ARHGAP15: variants seen among roughly 807,000 people sequenced by gnomAD.
The protein encoded by ARHGAP15 is Rho GTPase activating protein 15, also known as rho GTPase-activating protein 15.
ARHGAP15 carries 51 observed loss-of-function variants against 63.7 expected under a neutral mutation model. The observed-to-expected ratio is 0.80, with a 90% CI of 0.64 to 1.01. ARHGAP15 has a LOEUF of 1.01. Among genes scored for constraint, ARHGAP15 ranks in the 50% least tolerant of loss-of-function variants. ARHGAP15 has a pLI of 0.00. For missense variants in ARHGAP15, 560 were observed against 564.6 expected (o/e 0.99, Z 0.08); for synonymous variants, 191 against 193.8 (o/e 0.99, Z 0.12).
intron 10 of ARHGAP15, among the ~76,000 whole-genome samples, chr2:143,540,785 C>A (rs1235901899): frequency 6.6e-6 from 1 of 152,132 alleles, no homozygotes; most frequent in South Asian, 2.1e-4. Context: ...GTTAACCTGA[C>A]CTTTCTCTCT....
At chr2:143,373,796 T>C (rs1686684362) in intron 6 of ARHGAP15, among the ~76,000 whole-genome samples, 2 of 152,096 alleles carry the variant, frequency 1.3e-5, no homozygotes, top group South Asian at 2.1e-4. Flanking sequence ...ATATAGTACC[T>C]AGGGTGGGAT....
chr2:143,377,079 T>C (rs1686846820), intron 6 of ARHGAP15, among the ~76,000 whole-genome samples: 1 of 152,116 alleles, frequency 6.6e-6, no homozygotes, highest in Admixed American at 6.6e-5. Context: ...AAATGGCATA[T>C]ATGGACTGCT....
intron 1 of ARHGAP15, among the ~76,000 whole-genome samples, chr2:143,149,214 G>A (rs1381108974): frequency 6.6e-6 from 1 of 152,042 alleles, no homozygotes; most frequent in Non-Finnish European, 1.5e-5. Context: ...ACCAGAGAAA[G>A]TTTGTGCATG....
chr2:143,271,107 G>A (rs765482173), intron 6 of ARHGAP15, among the ~76,000 whole-genome samples: 1 of 151,902 alleles, frequency 6.6e-6, no homozygotes, highest in Non-Finnish European at 1.5e-5. Context: ...CCTTTCCATT[G>A]TCAGCACAAT....
At chr2:143,444,049 C>T (rs1364484575) in intron 8 of ARHGAP15, among the ~76,000 whole-genome samples, 1 of 152,176 alleles carries the variant, frequency 6.6e-6, no homozygotes, top group Admixed American at 6.5e-5. Flanking sequence ...CTCATAGCAT[C>T]AGCTACTCTG....
chr2:143,233,646 CT>C (rs558684012), intron 5 of ARHGAP15, among the ~76,000 whole-genome samples: 14,444 of 131,906 alleles, frequency 0.11, 502 homozygotes, highest in Middle Eastern at 0.19. Context: ...CAATAGCTAT[CT>C]TTTTTTTTTT....
intron 6 of ARHGAP15, among the ~76,000 whole-genome samples, chr2:143,395,636 A>G (rs1319463908): frequency 6.6e-6 from 1 of 152,100 alleles, no homozygotes; most frequent in Non-Finnish European, 1.5e-5. Context: ...AGAGACTTTT[A>G]GGAAAAGGAG....
intron 2 of ARHGAP15, among the ~76,000 whole-genome samples, chr2:143,199,837 T>C (rs1203632135): frequency 6.6e-6 from 1 of 152,062 alleles, no homozygotes; most frequent in Non-Finnish European, 1.5e-5. Flanking sequence ...AGTTACAGCA[T>C]CAAGCTCAAA....
At chr2:143,339,171 T>C (rs944184661) in intron 6 of ARHGAP15, among the ~76,000 whole-genome samples, 2 of 152,174 alleles carry the variant, frequency 1.3e-5, no homozygotes, top group African/African-American at 4.8e-5. Flanking sequence ...GTTGTTTTTG[T>C]TGCTGTGGTT....
intron 8 of ARHGAP15, among the ~76,000 whole-genome samples, chr2:143,444,002 C>G (rs1248732537): frequency 6.6e-6 from 1 of 152,168 alleles, no homozygotes; most frequent in African/African-American, 2.4e-5. Flanking sequence ...AGGGGCTGAT[C>G]TCGCCCTCTG....
intron 6 of ARHGAP15, among the ~76,000 whole-genome samples, chr2:143,407,987 G>GTATGTATATATA (rs1553475720): frequency 4.1e-4 from 32 of 77,402 alleles, no homozygotes; most frequent in Non-Finnish European, 7.2e-4. Context: ...TTCTGTGTGT[G>GTATGTATATATA]TATATATATA....
intron 12 of ARHGAP15, among the ~76,000 whole-genome samples, chr2:143,667,547 G>A (rs1682278201): frequency 1.4e-5 from 2 of 144,134 alleles, no homozygotes; most frequent in Non-Finnish European, 3.0e-5. Flanking sequence ...ATGTGCACAT[G>A]TACCCTAAAA....
intron 11 of ARHGAP15, among the ~76,000 whole-genome samples, chr2:143,622,113 T>A (rs1210409467): frequency 6.6e-6 from 1 of 152,154 alleles, no homozygotes; most frequent in Non-Finnish European, 1.5e-5. Context: ...CAATAAGTTG[T>A]ACAACATTTT....
chr2:143,319,914 A>T (rs1683928789), intron 6 of ARHGAP15, among the ~76,000 whole-genome samples: 1 of 152,242 alleles, frequency 6.6e-6, no homozygotes, highest in African/African-American at 2.4e-5. Context: ...AGATCGGTAA[A>T]AATGTAAATG....
At chr2:143,663,147 G>A (rs1164971929) in intron 12 of ARHGAP15, among the ~76,000 whole-genome samples, 1 of 118,266 alleles carries the variant, frequency 8.5e-6, no homozygotes, top group Non-Finnish European at 1.8e-5. Flanking sequence ...AGGAAAAAAT[G>A]TTAAGGGCAG....
intron 6 of ARHGAP15, among the ~76,000 whole-genome samples, chr2:143,268,020 T>C (rs1247247201): frequency 6.6e-6 from 1 of 152,160 alleles, no homozygotes; most frequent in African/African-American, 2.4e-5. Context: ...ATTTTCAGAA[T>C]GAGGCATAAA....
chr2:143,658,638 ATT>A (rs968646031), intron 12 of ARHGAP15, among the ~76,000 whole-genome samples: 4 of 151,072 alleles, frequency 2.6e-5, no homozygotes, highest in African/African-American at 9.7e-5. Context: ...ACTCAGGCCC[ATT>A]TTTTTTTCTG....
chr2:143,585,869 G>T (rs1216642898), intron 11 of ARHGAP15, among the ~76,000 whole-genome samples: 1 of 151,954 alleles, frequency 6.6e-6, no homozygotes, highest in African/African-American at 2.4e-5. Context: ...TCACCCCTTT[G>T]TTATTTTACC....
intron 6 of ARHGAP15, among the ~76,000 whole-genome samples, chr2:143,342,167 T>C (rs893556867): frequency 8.5e-5 from 13 of 152,078 alleles, no homozygotes; most frequent in Non-Finnish European, 5.9e-5. Context: ...TTATGATGAT[T>C]TGGAGATTCA....
Sources: allele counts gnomAD v4.1 joint callset (sites outside exome capture counted in the v4.1 genomes callset), GRCh38; gene constraint gnomAD v4.1.1; transcripts MANE v1.5; gene names NCBI Gene and HGNC (gene_info 2026-07-23, HGNC 2026-07-21).